Variants in OSBPL9 observed in about 807,000 individuals in gnomAD.
OSBPL9 encodes oxysterol binding protein like 9.
In OSBPL9, 40 loss-of-function variants were observed where a neutral mutation model predicts 106.6. That is an observed-to-expected ratio of 0.38 (90% CI 0.29 to 0.49). The LOEUF (loss-of-function observed/expected upper bound fraction) is 0.49. Ranked by LOEUF, OSBPL9 falls within the 20% of genes least tolerant of loss-of-function variation. The probability of loss-of-function intolerance (pLI) is 0.97; values close to 1 mark genes in which losing one functional copy is unlikely to be tolerated. For missense variants in OSBPL9, 609 were observed against 887.2 expected, an observed-to-expected ratio of 0.69 and a Z score of 3.98; for synonymous variants, 269 against 295.4, an observed-to-expected ratio of 0.91 and a Z score of 0.92.
chr1:51,559,060 C>T, the OSBPL9 span, among the ~76,000 whole-genome samples: 6 of 152,108 alleles, frequency 3.9e-5, no homozygotes, highest in Admixed American at 3.9e-4. Flanking sequence ...GGTGTCAGAA[C>T]AGGGAACAGG....
At chr1:51,632,346 T>C (rs1205646399) in intron 1 of OSBPL9, among the ~76,000 whole-genome samples, 1 of 152,180 alleles carries the variant, frequency 6.6e-6, no homozygotes, top group Non-Finnish European at 1.5e-5. Context: ...TTACAAACAG[T>C]TCTGTGAAGT....
chr1:51,602,419 A>ATTT (rs1357173060), intron 2 of OSBPL9, among the ~76,000 whole-genome samples: 87 of 104,650 alleles, frequency 8.3e-4, no homozygotes, highest in African/African-American at 1.8e-3. Flanking sequence ...TTTTTTTTTA[A>ATTT]TTTTTTTTTT....
rs78611087 is a variant in OSBPL9 at position 51,617,864 on chromosome 1, C to T, written c.111+643C>T. ...CCAAGGATTTCCTACACGCGAGACT[C>T]TTGTCAGCGAAGAGAGACAAGTGAT... On this transcript the variant is annotated intron_variant, in intron 1 of 23. Transcript: ENST00000428468. Among the ~76,000 whole-genome samples, 1,340 of 152,348 alleles carry T rather than the reference C, an allele frequency of 8.8e-3. 17 individuals carry two copies. Among genetic ancestry groups the T allele is most frequent in the African/African-American group, 0.031 (1,287 of 41,572 alleles).
At chr1:51,670,373 C>G (rs1021029574) in intron 3 of OSBPL9, among the ~76,000 whole-genome samples, 1 of 152,060 alleles carries the variant, frequency 6.6e-6, no homozygotes, top group Non-Finnish European at 1.5e-5. Flanking sequence ...AGTAACAGTG[C>G]ACTGTTAGAG....
intron 4 of OSBPL9, among the ~76,000 whole-genome samples, chr1:51,744,181 T>C (rs1308583214): frequency 1.3e-5 from 2 of 152,180 alleles, no homozygotes; most frequent in Non-Finnish European, 2.9e-5. Flanking sequence ...TTTTCTTTGG[T>C]TCCAAATTTT....
intron 2 of OSBPL9, among the ~76,000 whole-genome samples, chr1:51,659,155 A>G (rs758331540): frequency 1.3e-5 from 2 of 152,168 alleles, no homozygotes; most frequent in Non-Finnish European, 2.9e-5. Flanking sequence ...AACAGAATTA[A>G]TATCAGACAT....
chr1:51,696,919 A>G (rs967215733), intron 3 of OSBPL9, among the ~76,000 whole-genome samples: 2 of 152,012 alleles, frequency 1.3e-5, no homozygotes, highest in African/African-American at 4.8e-5. Flanking sequence ...TGGGAGGCTT[A>G]GGCAGGAGGA....
chr1:51,578,119 G>A (rs1570526408), intron 1 of OSBPL9, among the ~76,000 whole-genome samples: 2 of 152,114 alleles, frequency 1.3e-5, no homozygotes, highest in Non-Finnish European at 1.5e-5. Context: ...GAGTAATAAC[G>A]AAAAATATTT....
the OSBPL9 span, among the ~76,000 whole-genome samples, chr1:51,553,546 A>C: frequency 9.9e-5 from 15 of 152,060 alleles, no homozygotes; most frequent in Admixed American, 2.6e-4. Context: ...AAACAAACAA[A>C]AAAAAAGAAA....
the OSBPL9 span, among the ~76,000 whole-genome samples, chr1:51,558,145 T>C: frequency 1.3e-5 from 2 of 151,956 alleles, no homozygotes; most frequent in Non-Finnish European, 2.9e-5. Context: ...CCAGGCGTAG[T>C]GGCGGGCGCC....
intron 4 of OSBPL9, among the ~76,000 whole-genome samples, chr1:51,731,139 T>C (rs928495603): frequency 6.6e-6 from 1 of 151,990 alleles, no homozygotes; most frequent in Admixed American, 6.6e-5. Flanking sequence ...AGGTGTATGA[T>C]TAAAAGTCAG....
chr1:51,604,019 T>A (rs931354209), intron 2 of OSBPL9, among the ~76,000 whole-genome samples: 5 of 152,138 alleles, frequency 3.3e-5, no homozygotes, highest in Non-Finnish European at 7.4e-5. Context: ...ACATCATTGG[T>A]TCTGATAACA....
In OSBPL9 at chr1:51,587,397, A is replaced by G. The variant is rs577274857; in HGVS notation, c.-423+10141A>G. On this transcript the variant is annotated intron_variant, in intron 1 of 25. Coordinates refer to the OSBPL9 transcript ENST00000371714. ...AAAAAAGAAGAAGAAGAAATCTGAA[A>G]CTCGAACACCCATTTCCACCCACCT... Among the ~76,000 whole-genome samples, 9 of 152,162 alleles carry G rather than the reference A, an allele frequency of 5.9e-5. No individual in the cohort carries two copies. The South Asian group carries it at 1.9e-3, about 32-fold the overall frequency.
chr1:51,686,829 T>G (rs1232297975), intron 3 of OSBPL9, among the ~76,000 whole-genome samples: 1 of 152,232 alleles, frequency 6.6e-6, no homozygotes. Context: ...ACAGTTCTCT[T>G]ACTGTGTCAA....
intron 2 of OSBPL9, among the ~76,000 whole-genome samples, chr1:51,661,015 C>T (rs1647112635): frequency 6.6e-6 from 1 of 152,142 alleles, no homozygotes; most frequent in Non-Finnish European, 1.5e-5. Flanking sequence ...ACCTGAGTCT[C>T]AGTTTCTTAA....
In OSBPL9 at chr1:51,735,324, G is replaced by A. The variant is rs566366317; in HGVS notation, c.319-10212G>A. Among the ~76,000 whole-genome samples the A allele has an allele frequency of 3.3e-5, 5 of 152,220 alleles. No homozygotes were observed. In the East Asian group the frequency reaches 9.6e-4, roughly 29 times the overall value. Reference sequence around the variant, plus strand: ...ATTCCTGAGTACCTCAGCATCTCTTGTTAGTTTTCTTAGCCCTACTCTCAC... The same window carrying A: ...ATTCCTGAGTACCTCAGCATCTCTTATTAGTTTTCTTAGCCCTACTCTCAC... On this transcript the variant is annotated intron_variant, in intron 4 of 23. Transcript: ENST00000428468.
At chr1:51,759,627 C>CA (rs1671078525) in intron 9 of OSBPL9, 1 of 152,166 alleles carries the variant, frequency 6.6e-6, no homozygotes, top group South Asian at 2.1e-4. Context: ...GTTTAGTCTT[C>CA]TAAATGGTAA....
At chr1:51,695,616 A>G (rs1655856129) in intron 3 of OSBPL9, among the ~76,000 whole-genome samples, 1 of 152,188 alleles carries the variant, frequency 6.6e-6, no homozygotes, top group Admixed American at 6.5e-5. Context: ...TTCAGCGAAA[A>G]CAGAATGGGA....
intron 1 of OSBPL9, among the ~76,000 whole-genome samples, chr1:51,639,350 A>G (rs1430688431): frequency 6.6e-6 from 1 of 152,196 alleles, no homozygotes; most frequent in East Asian, 1.9e-4. Flanking sequence ...CCTCATATGC[A>G]CTTGGAAATG....
Sources: allele counts gnomAD v4.1 joint callset (sites outside exome capture counted in the v4.1 genomes callset), GRCh38; gene constraint gnomAD v4.1.1; transcripts MANE v1.5; gene names NCBI Gene and HGNC (gene_info 2026-07-23, HGNC 2026-07-21).